The following ARHGAP35 variants were observed in gnomAD, a reference collection of about 807,000 sequenced individuals.
ARHGAP35 encodes the protein Rho GTPase activating protein 35.
In ARHGAP35, 15 loss-of-function variants were observed where a neutral mutation model predicts 111.1. The observed-to-expected ratio is 0.13, with a 90% CI of 0.09 to 0.21. The LOEUF (loss-of-function observed/expected upper bound fraction) is 0.21. ARHGAP35 is among the 10% of genes least tolerant of loss of function. The pLI, the probability that ARHGAP35 is intolerant of heterozygous loss-of-function variation, is 1.00. For synonymous variants in ARHGAP35, 643 were observed against 710.3 expected (o/e 0.91, Z 1.51); for missense variants, 1,262 against 1,873.0 (o/e 0.67, Z 6.02).
At position 46,918,851 on chromosome 19, in the gene ARHGAP35, G is replaced by A. The variant is rs2122192861; in HGVS notation, c.176G>A (p.Ser59Asn). 1 of 1,613,990 alleles carries A rather than the reference G, an allele frequency of 6.2e-7. No homozygotes were observed. The highest frequency in any genetic ancestry group is 8.5e-7 in the Non-Finnish European group (1 of 1,179,884). ...EFHLDHTSVLSTSDFGGRVVN... is the reference protein window; with the variant it reads ...EFHLDHTSVLNTSDFGGRVVN... ...CACTTGGACCATACCTCCGTCCTCAGCACCAGTGACTTTGGAGGGCGAGTG... is the reference window on the plus strand; with the variant it reads ...CACTTGGACCATACCTCCGTCCTCAACACCAGTGACTTTGGAGGGCGAGTG... Residue 59 changes from serine to asparagine, a missense_variant, in exon 2 of 7, where the codon AGC becomes AAC. Ser to Asn is a conservative substitution (Grantham distance 46). Transcript: ENST00000672722. The surrounding 1 kb of genome is among the most constrained non-coding windows in gnomAD (Gnocchi z 5.4).
At chr19:46,949,413 A>C (rs1309410242) in intron 3 of ARHGAP35, among the ~76,000 whole-genome samples, 1 of 152,358 alleles carries the variant, frequency 6.6e-6, no homozygotes, top group South Asian at 2.1e-4. Flanking sequence ...TACACTCAGC[A>C]TCTCTACTGG....
rs909601825 is a variant in ARHGAP35 at position 47,004,922 on chromosome 19, G to A, written c.*4234G>A. The A allele has an allele frequency of 2.0e-5, 3 of 152,180 alleles. No individual in the cohort carries two copies. The highest frequency in any genetic ancestry group is 2.9e-5 in the Non-Finnish European group (2 of 68,044). 9.4% of individuals were successfully genotyped at this position (152,180 alleles called of 1,614,324 possible). On this transcript the variant is annotated 3_prime_UTR_variant, in exon 7 of 7. Coordinates refer to ENST00000672722, the MANE Select transcript of ARHGAP35 (RefSeq NM_004491.5). ...TGGTCAGCCCTCAATGAAGGCTGAG[G>A]CATCTCTGACTGAGGTGTTTTTGTT...
intron 3 of ARHGAP35, among the ~76,000 whole-genome samples, chr19:46,961,211 G>A (rs2056480569): frequency 6.6e-6 from 1 of 152,038 alleles, no homozygotes; most frequent in Non-Finnish European, 1.5e-5. Context: ...ATAATAATTT[G>A]TTTAATCAGT....
At chr19:46,873,073 G>A (rs760524925) in intron 1 of ARHGAP35, among the ~76,000 whole-genome samples, 10 of 152,150 alleles carry the variant, frequency 6.6e-5, no homozygotes, top group Non-Finnish European at 1.0e-4. Context: ...CACATGGCTA[G>A]TAGGTCCCCA....
rs748505067 is a variant in ARHGAP35 at position 46,926,015 on chromosome 19, T to C, written c.3681+3659T>C. On this transcript the variant is annotated intron_variant, in intron 2 of 6. Coordinates refer to ENST00000672722, the MANE Select transcript of ARHGAP35 (RefSeq NM_004491.5). This position sits in a 1 kb window ranked among gnomAD's most constrained non-coding sequence, Gnocchi z 4.1. Reference sequence around the variant, plus strand: ...TAGCTGAGGGCTTGAGGGACCAACATTATCCGTCCCGTCTTTTGGAAGTTT... The same window carrying C: ...TAGCTGAGGGCTTGAGGGACCAACACTATCCGTCCCGTCTTTTGGAAGTTT... Among the ~76,000 whole-genome samples, 1 of 152,170 alleles carries C rather than the reference T, an allele frequency of 6.6e-6. No individual in the cohort carries two copies. The highest frequency in any genetic ancestry group is 1.5e-5 in the Non-Finnish European group (1 of 68,028).
chr19:46,983,319 G>A (rs2122325818), intron 3 of ARHGAP35, among the ~76,000 whole-genome samples: 1 of 152,258 alleles, frequency 6.6e-6, no homozygotes, highest in East Asian at 1.9e-4. Flanking sequence ...TGTAGAATGG[G>A]ATAATAATCA....
chr19:46,956,956 C>CTTTTT (rs11449203), intron 3 of ARHGAP35, among the ~76,000 whole-genome samples: 37 of 107,598 alleles, frequency 3.4e-4, no homozygotes, highest in Non-Finnish European at 4.6e-4. Context: ...TTAAAGCAGA[C>CTTTTT]TTTTTTTTTT....
At position 47,001,318 on chromosome 19, in the gene ARHGAP35, C is replaced by T. The variant is rs1439554336; in HGVS notation, c.*630C>T. 2.2e-5 allele frequency: 28 copies of T among 1,290,318 alleles called. No homozygotes were observed. The highest frequency in any genetic ancestry group is 1.1e-4 in the East Asian group (2 of 18,048). The allele number at this position is 1,290,318 out of a possible 1,614,324, so 79.9% of individuals were successfully genotyped here. ...GAGTGTGGGACTCCCCGCTTCATCC[C>T]CACCGTCCCACTCCACAGCCTTCCC... is the stretch of plus-strand genomic sequence containing the variant. On this transcript the variant is annotated 3_prime_UTR_variant, in exon 7 of 7. Coordinates refer to ENST00000672722, the MANE Select transcript of ARHGAP35 (RefSeq NM_004491.5). The surrounding 1 kb of genome is among the most constrained non-coding windows in gnomAD (Gnocchi z 5.4).
intron 2 of ARHGAP35, among the ~76,000 whole-genome samples, chr19:46,923,161 G>GTGCAA (rs1568469054): frequency 9.5e-5 from 14 of 146,672 alleles, no homozygotes; most frequent in African/African-American, 3.6e-4. Flanking sequence ...CTAGAGTGCA[G>GTGCAA]TGGCGCGATC....
chr19:46,934,057 G>A (rs373975844), intron 2 of ARHGAP35, among the ~76,000 whole-genome samples: 3 of 152,142 alleles, frequency 2.0e-5, no homozygotes, highest in Non-Finnish European at 2.9e-5. Flanking sequence ...CCTTCACAGC[G>A]GTTTATTTGG....
rs1568489642 is a variant in ARHGAP35 at position 46,992,156 on chromosome 19, C to CG, written c.4036+2483dup. On this transcript the variant is annotated intron_variant, in intron 5 of 6. Coordinates refer to ENST00000672722, the MANE Select transcript of ARHGAP35 (RefSeq NM_004491.5). The surrounding 1 kb of genome is among the most constrained non-coding windows in gnomAD (Gnocchi z 4.4). ...CCTGTGTGCCTGCCTAGGCTGGGCC[C>CG]GGCTCTCCACGAGGCACTTGATTCC... Among the ~76,000 whole-genome samples, 1 of 152,158 alleles carries CG rather than the reference C, an allele frequency of 6.6e-6. No homozygotes were observed. The highest frequency in any genetic ancestry group is 1.9e-4 in the East Asian group (1 of 5,202).
At chr19:46,984,634 A>G (rs897501780) in intron 3 of ARHGAP35, among the ~76,000 whole-genome samples, 1 of 152,240 alleles carries the variant, frequency 6.6e-6, no homozygotes, top group Non-Finnish European at 1.5e-5. Context: ...GTACGACAGC[A>G]GCAGGGTTGC....
chr19:46,876,590 C>T (rs1381074538), intron 1 of ARHGAP35, among the ~76,000 whole-genome samples: 1 of 152,000 alleles, frequency 6.6e-6, no homozygotes, highest in East Asian at 1.9e-4. Context: ...CCAGGCTGGT[C>T]TCGAACTCCT....
chr19:46,905,304 G>A (rs2056100931), intron 1 of ARHGAP35, among the ~76,000 whole-genome samples: 1 of 152,044 alleles, frequency 6.6e-6, no homozygotes, highest in Non-Finnish European at 1.5e-5. Flanking sequence ...GAGGCGGGTG[G>A]ATCAGGAGAT....
chr19:46,871,397 C>T (rs1255499494), intron 1 of ARHGAP35, among the ~76,000 whole-genome samples: 1 of 152,096 alleles, frequency 6.6e-6, no homozygotes, highest in African/African-American at 2.4e-5. Flanking sequence ...GGCTAGAGTG[C>T]AGTGGCATGG....
intron 2 of ARHGAP35, among the ~76,000 whole-genome samples, chr19:46,923,070 G>C (rs1292247244): frequency 1.3e-5 from 2 of 149,494 alleles, no homozygotes; most frequent in African/African-American, 2.5e-5. Flanking sequence ...GGGCCTACTC[G>C]TCATATGTAG....
chr19:46,879,502 G>A (rs931773229), intron 1 of ARHGAP35, among the ~76,000 whole-genome samples: 1 of 84,706 alleles, frequency 1.2e-5, no homozygotes, highest in Admixed American at 1.2e-4. Flanking sequence ...TAGAAGAATC[G>A]ATTGAACCCG....
intron 3 of ARHGAP35, among the ~76,000 whole-genome samples, chr19:46,955,400 A>C (rs1224543226): frequency 1.3e-5 from 2 of 152,190 alleles, no homozygotes; most frequent in East Asian, 3.8e-4. Context: ...GCATTATTTC[A>C]TGTCACCCTC....
chr19:46,961,937 A>G lies in ARHGAP35; in HGVS notation c.3826+24529A>G, dbSNP rs539636796. 4.6e-5 allele frequency among the ~76,000 whole-genome samples: 7 copies of G among 152,090 alleles called. 1 individual carries two copies. Among genetic ancestry groups the G allele is most frequent in the African/African-American group, 1.7e-4 (7 of 41,482 alleles). On this transcript the variant is annotated intron_variant, in intron 3 of 6. Coordinates refer to ENST00000672722, the MANE Select transcript of ARHGAP35 (RefSeq NM_004491.5). The stretch of plus-strand genomic sequence containing the variant: ...AGAGTGAGATCCTGCCTCAAAAAAG[A>G]GAGAGAGAAAGAAAGAAAAAGAGAG...
Sources: allele counts gnomAD v4.1 joint callset (sites outside exome capture counted in the v4.1 genomes callset), GRCh38; gene constraint gnomAD v4.1.1; non-coding constraint Gnocchi (gnomAD v3.1); transcripts MANE v1.5; gene names NCBI Gene and HGNC (gene_info 2026-07-23, HGNC 2026-07-21).